The following GPC5 variants were observed in gnomAD, a reference collection of about 807,000 sequenced individuals.
GPC5 encodes the protein glypican-5.
A neutral mutation model predicts 53.9 loss-of-function variants in GPC5; 47 were observed. That is an observed-to-expected ratio of 0.87 (90% CI 0.69 to 1.11). The LOEUF (loss-of-function observed/expected upper bound fraction) is 1.11, where lower values mean the gene tolerates loss of function less well. Ranked by LOEUF, GPC5 falls within the 50% of genes most tolerant of loss-of-function variation. The pLI is 0.00. For synonymous variants in GPC5, 286 were observed against 263.3 expected (o/e 1.09, Z -0.84); for missense variants, 748 against 713.1 (o/e 1.05, Z -0.56).
At chr13:92,430,972 A>T (rs1363186707) in intron 7 of GPC5, among the ~76,000 whole-genome samples, 1 of 152,158 alleles carries the variant, frequency 6.6e-6, no homozygotes, top group Non-Finnish European at 1.5e-5. Context: ...AATACAATAA[A>T]TATTTCTAGA....
intron 5 of GPC5, among the ~76,000 whole-genome samples, chr13:91,887,363 C>T (rs1037129395): frequency 1.3e-5 from 2 of 152,114 alleles, no homozygotes; most frequent in African/African-American, 2.4e-5. Context: ...TCCTCCTAGG[C>T]TTTTGAGCCG....
chr13:92,213,783 G>T (rs1296870740), intron 7 of GPC5, among the ~76,000 whole-genome samples: 1 of 152,068 alleles, frequency 6.6e-6, no homozygotes, highest in Admixed American at 6.6e-5. Flanking sequence ...ATAGTCTTTT[G>T]CTGCAGTCCT....
intron 4 of GPC5, among the ~76,000 whole-genome samples, chr13:91,731,892 T>C (rs1292220130): frequency 6.6e-6 from 1 of 152,212 alleles, no homozygotes; most frequent in Non-Finnish European, 1.5e-5. Context: ...TAGTATTCCA[T>C]GGTGTATATG....
At chr13:91,927,288 G>A (rs1307107100) in intron 6 of GPC5, among the ~76,000 whole-genome samples, 1 of 152,020 alleles carries the variant, frequency 6.6e-6, no homozygotes, top group Admixed American at 6.6e-5. Flanking sequence ...AAACCCTGTC[G>A]TGCTATAATT....
chr13:91,923,831 C>CCTTTT (rs996981522), intron 6 of GPC5, among the ~76,000 whole-genome samples: 8 of 152,086 alleles, frequency 5.3e-5, no homozygotes, highest in African/African-American at 1.9e-4. Context: ...ATTTAATACT[C>CCTTTT]CTTTTCTCTT....
intron 1 of GPC5, among the ~76,000 whole-genome samples, chr13:91,432,577 C>T (rs1366343461): frequency 6.6e-6 from 1 of 152,020 alleles, no homozygotes; most frequent in African/African-American, 2.4e-5. Context: ...CCTTATTTGT[C>T]TGAATTTGTC....
At chr13:92,463,956 G>C (rs1878592621) in intron 7 of GPC5, among the ~76,000 whole-genome samples, 1 of 152,022 alleles carries the variant, frequency 6.6e-6, no homozygotes, top group Non-Finnish European at 1.5e-5. Context: ...TATTATTTTT[G>C]TCACATGTTA....
intron 6 of GPC5, among the ~76,000 whole-genome samples, chr13:91,920,956 G>A (rs1338347718): frequency 9.0e-5 from 3 of 33,176 alleles, no homozygotes; most frequent in African/African-American, 3.9e-4. Context: ...TTTTTTTTTT[G>A]AGATAGAGTT....
chr13:92,031,531 C>G lies in GPC5; in HGVS notation c.1402-113299C>G, dbSNP rs529311295. Among the ~76,000 whole-genome samples, 52 of 150,722 alleles carry G rather than the reference C, an allele frequency of 3.5e-4. 1 individual carries two copies. In the South Asian group the frequency reaches 0.01, roughly 30 times the overall value. On this transcript the variant is annotated intron_variant, in intron 6 of 7. Transcript: ENST00000377067. ...TAGAAGTGTTCCCTTTTCACCGCAT[C>G]CACACCAACATCTATTCTTTCTTTC...
At chr13:92,548,748 A>C (rs1307016966) in intron 7 of GPC5, among the ~76,000 whole-genome samples, 1 of 151,824 alleles carries the variant, frequency 6.6e-6, no homozygotes, top group Admixed American at 6.6e-5. Flanking sequence ...TTTTCCCAGA[A>C]CTCCTATTTC....
chr13:92,013,095 C>T (rs1201259170), intron 6 of GPC5, among the ~76,000 whole-genome samples: 1 of 152,198 alleles, frequency 6.6e-6, no homozygotes, highest in Non-Finnish European at 1.5e-5. Context: ...CCCCTTGCCT[C>T]GTTGCATGTG....
At chr13:91,974,812 G>A (rs541261887) in intron 6 of GPC5, among the ~76,000 whole-genome samples, 1 of 152,212 alleles carries the variant, frequency 6.6e-6, no homozygotes, top group South Asian at 2.1e-4. Context: ...ACAATGCCAA[G>A]ACAATCCTAA....
chr13:92,315,328 T>G (rs568325913), intron 7 of GPC5, among the ~76,000 whole-genome samples: 15 of 152,206 alleles, frequency 9.9e-5, no homozygotes, highest in African/African-American at 3.6e-4. Flanking sequence ...GGCTCCTCAA[T>G]CATCTTCTGT....
intron 7 of GPC5, among the ~76,000 whole-genome samples, chr13:92,693,565 G>C (rs1887474677): frequency 6.6e-6 from 1 of 152,158 alleles, no homozygotes; most frequent in Admixed American, 6.5e-5. Context: ...ATTTGGACTT[G>C]AGAGAGATAA....
intron 1 of GPC5, among the ~76,000 whole-genome samples, chr13:91,433,179 T>C (rs1362682001): frequency 6.6e-6 from 1 of 151,946 alleles, no homozygotes; most frequent in Admixed American, 6.6e-5. Flanking sequence ...TCCTACTCCA[T>C]TGACTGCTTC....
At chr13:91,780,822 G>T (rs567781634) in intron 5 of GPC5, among the ~76,000 whole-genome samples, 1 of 152,238 alleles carries the variant, frequency 6.6e-6, no homozygotes, top group African/African-American at 2.4e-5. Context: ...AACGCCACAA[G>T]TAGAATGAGT....
intron 6 of GPC5, among the ~76,000 whole-genome samples, chr13:92,075,144 T>A (rs1232542863): frequency 6.6e-6 from 1 of 152,190 alleles, no homozygotes; most frequent in Non-Finnish European, 1.5e-5. Context: ...ACTTAACACA[T>A]TCTGCTGAGG....
chr13:92,336,969 A>T (rs930513241), intron 7 of GPC5, among the ~76,000 whole-genome samples: 11 of 152,106 alleles, frequency 7.2e-5, no homozygotes, highest in Non-Finnish European at 1.3e-4. Context: ...AACGGATCTC[A>T]TGAGACTTAT....
chr13:92,081,395 C>G (rs1292635093), intron 6 of GPC5, among the ~76,000 whole-genome samples: 2 of 152,228 alleles, frequency 1.3e-5, no homozygotes, highest in Admixed American at 1.3e-4. Context: ...AGCCACCGCG[C>G]CTGACCTGTG....
Sources: gnomAD v4.1 joint callset for allele counts (sites outside exome capture counted in the v4.1 genomes callset) on GRCh38, gnomAD v4.1.1 for gene constraint, MANE v1.5 for transcripts, NCBI Gene and HGNC (gene_info 2026-07-23, HGNC 2026-07-21) for gene names.